CP: variants seen among roughly 807,000 people sequenced by gnomAD.
CP encodes ceruloplasmin, also known as caeruloplasmin.
In CP, 64 loss-of-function variants were observed where a neutral mutation model predicts 122.4. The observed-to-expected ratio is 0.52, with a 90% CI of 0.43 to 0.64. CP has a LOEUF of 0.64. Ranked by LOEUF, CP falls within the 30% of genes least tolerant of loss-of-function variation. The pLI is 0.00. For missense variants in CP, 1,167 were observed against 1,284.4 expected, an observed-to-expected ratio of 0.91 and a Z score of 1.40; for synonymous variants, 440 against 436.4, an observed-to-expected ratio of 1.01 and a Z score of -0.10.
At chr3:149,207,060 A>G (rs1727778297) in intron 5 of CP, among the ~76,000 whole-genome samples, 1 of 152,206 alleles carries the variant, frequency 6.6e-6, no homozygotes, top group Non-Finnish European at 1.5e-5. Context: ...CCAGTGCAAC[A>G]TACAATTTTT....
Sources: allele counts gnomAD v4.1 joint callset (sites outside exome capture counted in the v4.1 genomes callset), GRCh38; gene constraint gnomAD v4.1.1; transcripts MANE v1.5; gene names NCBI Gene and HGNC (gene_info 2026-07-23, HGNC 2026-07-21).